The following PKP1 variants were observed in gnomAD, a reference collection of about 807,000 sequenced individuals.
PKP1 encodes plakophilin-1.
PKP1 carries 27 observed loss-of-function variants against 76.4 expected under a neutral mutation model. That is an observed-to-expected ratio of 0.35 (90% confidence interval 0.26 to 0.49). PKP1 has a LOEUF of 0.49. PKP1 is among the 20% of genes least tolerant of loss of function. The probability of loss-of-function intolerance (pLI) is 0.99; values close to 1 mark genes in which losing one functional copy is unlikely to be tolerated. For missense variants in PKP1, 964 were observed against 955.2 expected (o/e 1.01, Z -0.12); for synonymous variants, 404 against 384.2 (o/e 1.05, Z -0.60).
chr1:201,293,094 G>A (rs1264512157), intron 1 of PKP1, among the ~76,000 whole-genome samples: 2 of 152,202 alleles, frequency 1.3e-5, no homozygotes, highest in South Asian at 2.1e-4. Context: ...GGAGATGTGA[G>A]TAAAGTGGTG....
At chr1:201,321,615 A>G (rs1382028820) in intron 7 of PKP1, among the ~76,000 whole-genome samples, 2 of 151,924 alleles carry the variant, frequency 1.3e-5, no homozygotes, top group Non-Finnish European at 2.9e-5. Context: ...CAGTCTGCCC[A>G]TTGGCATGTT....
At chr1:201,315,628 A>AG (rs966218351) in intron 3 of PKP1, among the ~76,000 whole-genome samples, 4 of 152,208 alleles carry the variant, frequency 2.6e-5, no homozygotes, top group Admixed American at 2.6e-4. Context: ...GACCCTGGAT[A>AG]GGGGCTGGGG....
At chr1:201,288,164 G>T (rs1655792837) in intron 1 of PKP1, among the ~76,000 whole-genome samples, 1 of 151,972 alleles carries the variant, frequency 6.6e-6, no homozygotes, top group Non-Finnish European at 1.5e-5. Context: ...GCCTCTCTTT[G>T]GGTCTCTGCA....
chr1:201,325,254 C>T (rs1657080663), intron 11 of PKP1, 127 bp downstream of exon 11: 9 of 964,282 alleles, frequency 9.3e-6, no homozygotes, highest in Admixed American at 1.8e-5. Context: ...GAGCCAGGGA[C>T]GGGGGAGGCT....
rs781773822 is a variant in PKP1 at position 201,320,216 on chromosome 1, G to A, written c.1233-51G>A. ...ACACTCTCTTGTCCCCACCTTCCCC[G>A]TTCTCTCTTCCCCCTTTCTCTGCCC... is the stretch of plus-strand genomic sequence containing the variant. On this transcript the variant is annotated intron_variant, in intron 6 of 13. Transcript: ENST00000367324. 6.2e-5 allele frequency: 64 copies of A among 1,024,566 alleles called. No individual in the cohort carries two copies. In the Middle Eastern group the frequency reaches 8.5e-4, roughly 14 times the overall value. 63.5% of individuals were successfully genotyped at this position (1,024,566 alleles called of 1,614,324 possible). A position where few individuals can be genotyped will look rare whatever the true frequency, so the allele number is the denominator to read the frequency against.
At chr1:201,321,415 T>C (rs1475196486) in intron 7 of PKP1, among the ~76,000 whole-genome samples, 2 of 152,108 alleles carry the variant, frequency 1.3e-5, no homozygotes, top group Non-Finnish European at 2.9e-5. Flanking sequence ...CCAGCTGCCA[T>C]GATGAAGCCC....
intron 13 of PKP1, 77 bp downstream of exon 13, chr1:201,328,945 G>A (rs564873258): frequency 1.5e-5 from 14 of 914,044 alleles, no homozygotes; most frequent in South Asian, 1.4e-4. Context: ...ACAAGGGCTA[G>A]GCCTGTGCTC....
intron 2 of PKP1, among the ~76,000 whole-genome samples, chr1:201,311,643 GA>G (rs1656554691): frequency 6.7e-6 from 1 of 150,200 alleles, no homozygotes; most frequent in Non-Finnish European, 1.5e-5. Context: ...ATCTGGTGCA[GA>G]AGGGAATTAC....
At chr1:201,322,454 C>A (rs1336499353) in intron 8 of PKP1, among the ~76,000 whole-genome samples, 1 of 152,192 alleles carries the variant, frequency 6.6e-6, no homozygotes, top group African/African-American at 2.4e-5. Flanking sequence ...TTCTCCCTTG[C>A]CCTTGAGGAT....
At chr1:201,292,995 T>C (rs1027187079) in intron 1 of PKP1, among the ~76,000 whole-genome samples, 1 of 152,180 alleles carries the variant, frequency 6.6e-6, no homozygotes, top group Non-Finnish European at 1.5e-5. Flanking sequence ...AAGGGCTTCC[T>C]GGAGTGGGTG....
At chr1:201,320,968 G>A (rs559143797) in intron 7 of PKP1, among the ~76,000 whole-genome samples, 5 of 152,298 alleles carry the variant, frequency 3.3e-5, no homozygotes, top group African/African-American at 1.2e-4. Flanking sequence ...ACACAGCACA[G>A]ACAAACAGAA....
chr1:201,294,251 T>C (rs1465865017), intron 2 of PKP1, among the ~76,000 whole-genome samples: 2 of 152,244 alleles, frequency 1.3e-5, no homozygotes, highest in African/African-American at 4.8e-5. Context: ...TATTTTTGAA[T>C]GTCTCAAATG....
chr1:201,286,242 T>A (rs948122180), intron 1 of PKP1, among the ~76,000 whole-genome samples: 2 of 152,184 alleles, frequency 1.3e-5, no homozygotes, highest in Non-Finnish European at 2.9e-5. Context: ...CCTCGCCCCC[T>A]GGACAGATTC....
At chr1:201,321,895 T>G in intron 7 of PKP1, 83 bp from the exon 8 acceptor site, 1 of 1,528,810 alleles carries the variant, frequency 6.5e-7, no homozygotes, top group Non-Finnish European at 9.0e-7. Context: ...GCCTCTGCTC[T>G]CTTATTAGCT....
chr1:201,288,838 G>T (rs1395535015), intron 1 of PKP1, among the ~76,000 whole-genome samples: 1 of 152,170 alleles, frequency 6.6e-6, no homozygotes, highest in Admixed American at 6.5e-5. Flanking sequence ...TGAAAGAGCA[G>T]CAGGATTGTG....
At chr1:201,302,697 G>A (rs1043531613) in intron 2 of PKP1, among the ~76,000 whole-genome samples, 13 of 152,176 alleles carry the variant, frequency 8.5e-5, no homozygotes, top group African/African-American at 9.7e-5. Flanking sequence ...GGGAGGGGAC[G>A]GGGGATCTGT....
At chr1:201,318,997 C>T (rs376962355) in intron 6 of PKP1, among the ~76,000 whole-genome samples, 7 of 152,196 alleles carry the variant, frequency 4.6e-5, no homozygotes, top group African/African-American at 1.4e-4. Context: ...CCTACCACCC[C>T]CTTTGAGAGA....
chr1:201,298,960 G>T (rs192843057), intron 2 of PKP1, among the ~76,000 whole-genome samples: 124 of 152,272 alleles, frequency 8.1e-4, no homozygotes, highest in Non-Finnish European at 1.5e-3. Context: ...CTCCAGCAGG[G>T]GATGGGAAAG....
chr1:201,316,443 C>T, intron 3 of PKP1, 110 bp from the exon 4 acceptor site: 1 of 1,197,990 alleles, frequency 8.3e-7, no homozygotes, highest in South Asian at 1.5e-5. Context: ...TCTGGCTCTC[C>T]AGAGGGCAGA....
Sources: gnomAD v4.1 joint callset for allele counts (sites outside exome capture counted in the v4.1 genomes callset) on GRCh38, gnomAD v4.1.1 for gene constraint, MANE v1.5 for transcripts, NCBI Gene and HGNC (gene_info 2026-07-23, HGNC 2026-07-21) for gene names.